TGFBRAP1: variants seen among roughly 807,000 people sequenced by gnomAD.
The protein encoded by TGFBRAP1 is transforming growth factor beta receptor associated protein 1.
In TGFBRAP1, 20 loss-of-function variants were observed where a neutral mutation model predicts 83.2. The ratio of observed to expected loss-of-function variants is 0.24; its 90% CI spans 0.17 to 0.35. TGFBRAP1 has a LOEUF of 0.35. TGFBRAP1 is among the 10% of genes least tolerant of loss of function. The pLI is 1.00. For missense variants in TGFBRAP1, 950 were observed against 1,099.4 expected (o/e 0.86, Z 1.92); for synonymous variants, 415 against 459.8 (o/e 0.90, Z 1.25).
In TGFBRAP1 at chr2:105,267,208, T is replaced by A. The variant is rs545669470; in HGVS notation, c.*175A>T. Reference sequence around the variant, plus strand: ...TAGAGCCTGGTCATTCCATGTACATTCATAGAGCCTGGTCAGCAGCGAGGA... The same window carrying A: ...TAGAGCCTGGTCATTCCATGTACATACATAGAGCCTGGTCAGCAGCGAGGA... On this transcript the variant is annotated 3_prime_UTR_variant, in exon 12 of 12. Transcript: ENST00000393359. The A allele has an allele frequency of 7.6e-5, 28 of 370,116 alleles. No individual in the cohort carries two copies. The African/African-American group carries it at 1.0e-3, about 14-fold the overall frequency. 22.9% of individuals were successfully genotyped at this position (370,116 alleles called of 1,614,324 possible).
chr2:105,258,480 T>C, the TGFBRAP1 span, among the ~76,000 whole-genome samples: 1 of 152,076 alleles, frequency 6.6e-6, no homozygotes, highest in East Asian at 1.9e-4. Context: ...CCTTTTTTTT[T>C]TTCTTAACTT....
chr2:105,258,074 G>A, the TGFBRAP1 span, among the ~76,000 whole-genome samples: 1 of 152,202 alleles, frequency 6.6e-6, no homozygotes, highest in South Asian at 2.1e-4. Context: ...CTCAGTCCCT[G>A]AGCTGCCTCC....
chr2:105,275,538 T>C (rs1182521699), intron 8 of TGFBRAP1, 22 bp downstream of exon 8: 7 of 1,611,904 alleles, frequency 4.3e-6, no homozygotes, highest in Non-Finnish European at 5.9e-6. Context: ...CCAAAGAGAA[T>C]GCATTTTTAC....
At chr2:105,278,482 T>C (rs888427493) in intron 6 of TGFBRAP1, among the ~76,000 whole-genome samples, 6 of 151,380 alleles carry the variant, frequency 4.0e-5, no homozygotes, top group African/African-American at 9.7e-5. Flanking sequence ...TGGGGGAGAG[T>C]GCCCAGAGTT....
chr2:105,298,689 G>A lies in TGFBRAP1; in HGVS notation c.705C>T (p.Val235=), dbSNP rs756129590. ...CGGGGGCGCGCTGGGATATCCCTGC[G>A]ACTGTGGCAAACATGCCTAGAAGTA... ...GPGGLGMFAT[V]AGISQRAPVH... The change falls in exon 3 of 12, where the codon GTC becomes GTT. Residue 235 remains valine (V), a synonymous_variant. Coordinates refer to ENST00000393359, the MANE Select transcript of TGFBRAP1 (RefSeq NM_004257.6). 5.1e-6 allele frequency: 8 copies of A among 1,579,936 alleles called. No individual in the cohort carries two copies. Among genetic ancestry groups the A allele is most frequent in the Middle Eastern group, 1.7e-4 (1 of 5,904 alleles).
intron 1 of TGFBRAP1, among the ~76,000 whole-genome samples, chr2:105,314,127 G>T (rs998360973): frequency 1.3e-5 from 2 of 152,078 alleles, no homozygotes; most frequent in Admixed American, 6.6e-5. Context: ...CACAGAAAGA[G>T]GAAGGAGATC....
At chr2:105,276,606 C>T (rs961823461) in intron 7 of TGFBRAP1, among the ~76,000 whole-genome samples, 14 of 152,146 alleles carry the variant, frequency 9.2e-5, no homozygotes, top group African/African-American at 2.2e-4. Context: ...AGATTTATCC[C>T]ATATCACTTC....
chr2:105,296,466 G>A lies in TGFBRAP1; in HGVS notation c.928C>T (p.Pro310Ser). The change falls in exon 4 of 12, where the codon CCA becomes TCA. Residue 310 changes from proline to serine, a missense_variant. Physicochemically the swap from Pro to Ser is moderately conservative, Grantham distance 74. Coordinates refer to ENST00000393359, the MANE Select transcript of TGFBRAP1 (RefSeq NM_004257.6). ...TGTATTTGTTTTTCCAAAGGTAATG[G>A]AACCAAGATGTAAACTCCTTTACTT... is the stretch of plus-strand genomic sequence containing the variant. ...ATSKGVYILV[P>S]LPLEKQIQDL... The A allele has an allele frequency of 6.2e-7, 1 of 1,613,994 alleles. No homozygotes were observed. The highest frequency in any genetic ancestry group is 1.1e-5 in the South Asian group (1 of 91,070).
intron 2 of TGFBRAP1, among the ~76,000 whole-genome samples, chr2:105,302,473 T>G (rs7603235): frequency 6.6e-6 from 1 of 152,038 alleles, no homozygotes; most frequent in Non-Finnish European, 1.5e-5. Context: ...AGCAGAATAG[T>G]GCGCAGCTAT....
At chr2:105,277,116 C>A (rs1241520582) in intron 7 of TGFBRAP1, among the ~76,000 whole-genome samples, 1 of 152,176 alleles carries the variant, frequency 6.6e-6, no homozygotes, top group Non-Finnish European at 1.5e-5. Flanking sequence ...AGGACCCCTG[C>A]CAGGCCAATG....
chr2:105,312,446 A>C (rs1393292039), intron 1 of TGFBRAP1, among the ~76,000 whole-genome samples: 1 of 152,236 alleles, frequency 6.6e-6, no homozygotes, highest in Admixed American at 6.5e-5. Flanking sequence ...TAGGATGCTC[A>C]AGGACCATAA....
chr2:105,273,093 G>A lies in TGFBRAP1; in HGVS notation c.1813-79C>T, dbSNP rs1677217296. On this transcript the variant is annotated intron_variant, in intron 9 of 11. Transcript: ENST00000393359. ...TCAAAGCTCTCCCCTGTCAGCCAGGGCTTGGAGACCGCGGCTGCACTGACA... is the reference window on the plus strand; with the variant it reads ...TCAAAGCTCTCCCCTGTCAGCCAGGACTTGGAGACCGCGGCTGCACTGACA... 5.8e-6 allele frequency: 9 copies of A among 1,550,762 alleles called. No homozygotes were observed. The Admixed American group carries it at 1.7e-4, about 29-fold the overall frequency.
chr2:105,329,039 A>G (rs1246565675), intron 1 of TGFBRAP1, among the ~76,000 whole-genome samples: 1 of 152,108 alleles, frequency 6.6e-6, no homozygotes, highest in East Asian at 1.9e-4. Context: ...AGGGGCCAGG[A>G]AGCCCAGCAC....
At chr2:105,276,315 T>A (rs1369261489) in intron 7 of TGFBRAP1, among the ~76,000 whole-genome samples, 2 of 152,150 alleles carry the variant, frequency 1.3e-5, no homozygotes, top group Non-Finnish European at 2.9e-5. Flanking sequence ...GACCCCAGAA[T>A]GAGGCAGCAT....
chr2:105,287,047 G>A (rs1230295142), intron 4 of TGFBRAP1, among the ~76,000 whole-genome samples: 2 of 152,224 alleles, frequency 1.3e-5, no homozygotes, highest in Non-Finnish European at 2.9e-5. Context: ...AACACAGGCT[G>A]CAACACAGAT....
chr2:105,259,288 C>A, the TGFBRAP1 span, among the ~76,000 whole-genome samples: 2 of 152,302 alleles, frequency 1.3e-5, no homozygotes, highest in East Asian at 3.9e-4. Context: ...CCGACTGATA[C>A]ACAGGGAGAA....
chr2:105,313,487 G>A (rs1678756234), intron 1 of TGFBRAP1, among the ~76,000 whole-genome samples: 1 of 152,126 alleles, frequency 6.6e-6, no homozygotes, highest in South Asian at 2.1e-4. Flanking sequence ...AAACACTTAG[G>A]AACCACCTAA....
At chr2:105,320,883 A>G (rs1679036281) in intron 1 of TGFBRAP1, among the ~76,000 whole-genome samples, 1 of 152,232 alleles carries the variant, frequency 6.6e-6, no homozygotes, top group Non-Finnish European at 1.5e-5. Context: ...AATAGTTACC[A>G]TTAACTACAG....
chr2:105,250,611 C>CTCTCCCTCTCCCT, the TGFBRAP1 span, among the ~76,000 whole-genome samples: 1 of 66,248 alleles, frequency 1.5e-5, no homozygotes, highest in African/African-American at 4.2e-5. Context: ...TCTCCCTCTC[C>CTCTCCCTCTCCCT]CTCCTCTCCC....
Sources: gnomAD v4.1 joint callset for allele counts (sites outside exome capture counted in the v4.1 genomes callset) on GRCh38, gnomAD v4.1.1 for gene constraint, MANE v1.5 for transcripts, NCBI Gene and HGNC (gene_info 2026-07-23, HGNC 2026-07-21) for gene names.